The following LCP1 variants were observed in gnomAD, a reference collection of about 807,000 sequenced individuals.
LCP1 encodes lymphocyte cytosolic protein 1, also known as plastin-2.
A neutral mutation model predicts 72.0 loss-of-function variants in LCP1; 23 were observed. The ratio of observed to expected loss-of-function variants is 0.32; its 90% CI spans 0.23 to 0.45. LCP1 has a LOEUF of 0.45. Ranked by LOEUF, LCP1 falls within the 20% of genes least tolerant of loss-of-function variation. LCP1 has a pLI of 1.00. For missense variants in LCP1, 571 were observed against 748.3 expected, an observed-to-expected ratio of 0.76 and a Z score of 2.76; for synonymous variants, 245 against 275.4, an observed-to-expected ratio of 0.89 and a Z score of 1.09.
intron 4 of LCP1, among the ~76,000 whole-genome samples, chr13:46,157,939 C>T (rs1356321043): frequency 6.6e-6 from 1 of 152,006 alleles, no homozygotes; most frequent in Non-Finnish European, 1.5e-5. Context: ...GTTGCCCAGG[C>T]TAGTCTTTAA....
chr13:46,158,447 C>T, intron 4 of LCP1, 75 bp downstream of exon 4: 5 of 1,529,564 alleles, frequency 3.3e-6, no homozygotes, highest in Middle Eastern at 1.7e-4. Context: ...TCTTTGTTTA[C>T]ATCCCTTAGG....
intron 4 of LCP1, among the ~76,000 whole-genome samples, chr13:46,156,942 TC>T (rs1398016673): frequency 1.3e-5 from 2 of 150,570 alleles, no homozygotes; most frequent in Non-Finnish European, 3.0e-5. Context: ...TGCCTCAGCC[TC>T]CCCCGTAGCT....
Position 46,127,584 on chromosome 13 carries a change from T to A in LCP1, c.*7A>T, listed in dbSNP as rs765221238. On this transcript the variant is annotated 3_prime_UTR_variant, in exon 16 of 16. Coordinates refer to ENST00000323076, the MANE Select transcript of LCP1 (RefSeq NM_002298.5). The stretch of plus-strand genomic sequence containing the variant: ...GTGCACCGCCTCCCACCCAGCCCCA[T>A]TGGGCCTCACACCCTCTTCATTCCT... 6.2e-7 allele frequency: 1 copy of A among 1,613,962 alleles called. No individual in the cohort carries two copies. Among genetic ancestry groups the A allele is most frequent in the African/African-American group, 1.3e-5 (1 of 74,914 alleles).
intron 1 of LCP1, among the ~76,000 whole-genome samples, chr13:46,162,617 G>A (rs1234624309): frequency 2.0e-5 from 3 of 152,106 alleles, no homozygotes; most frequent in African/African-American, 7.2e-5. Context: ...TGTTGCCCAG[G>A]CTGGAGTGCA....
chr13:46,162,215 T>C (rs781460148), intron 1 of LCP1, among the ~76,000 whole-genome samples: 1 of 150,334 alleles, frequency 6.7e-6, no homozygotes, highest in African/African-American at 2.5e-5. Flanking sequence ...ATCCCATCCA[T>C]CCATTTATTC....
chr13:46,179,003 C>T (rs1169989584), intron 1 of LCP1, among the ~76,000 whole-genome samples: 1 of 152,140 alleles, frequency 6.6e-6, no homozygotes, highest in African/African-American at 2.4e-5. Flanking sequence ...TGAGAATAAT[C>T]CAAAGTGACT....
At chr13:46,174,834 C>CAAAAAAAAAAAAAAAAAAAAA in intron 1 of LCP1, among the ~76,000 whole-genome samples, 1 of 82,306 alleles carries the variant, frequency 1.2e-5, no homozygotes, top group Non-Finnish European at 2.6e-5. Flanking sequence ...ACTCCATCTT[C>CAAAAAAAAAAAAAAAAAAAAA]AAAAAAAAAA....
At chr13:46,147,229 T>A in intron 9 of LCP1, 126 bp from the exon 10 acceptor site, 1 of 789,628 alleles carries the variant, frequency 1.3e-6, no homozygotes. Context: ...AGACACTTAA[T>A]AACAGCACAT....
chr13:46,151,122 TG>T (rs2045761024), intron 7 of LCP1, 44 bp from the exon 8 acceptor site: 3 of 1,575,982 alleles, frequency 1.9e-6, no homozygotes, highest in African/African-American at 1.4e-5. Flanking sequence ...GCAGCGATGT[TG>T]GGGGAGGGGG....
chr13:46,155,507 T>A (rs967822092), intron 5 of LCP1, among the ~76,000 whole-genome samples: 6 of 152,116 alleles, frequency 3.9e-5, no homozygotes, highest in African/African-American at 1.4e-4. Flanking sequence ...AAAAATGAAT[T>A]CTCAGGACAA....
intron 14 of LCP1, among the ~76,000 whole-genome samples, chr13:46,133,053 C>A (rs1395417586): frequency 6.6e-6 from 1 of 152,032 alleles, no homozygotes; most frequent in African/African-American, 2.4e-5. Flanking sequence ...CCAGTTAATG[C>A]ATGAAACATG....
intron 1 of LCP1, among the ~76,000 whole-genome samples, chr13:46,171,913 C>T (rs1421757599): frequency 1.3e-5 from 2 of 152,366 alleles, no homozygotes; most frequent in Admixed American, 6.5e-5. Flanking sequence ...TACAAGTATT[C>T]GCAGAATGCG....
At chr13:46,159,063 G>T in intron 2 of LCP1, 74 bp from the exon 3 acceptor site, 1 of 1,396,988 alleles carries the variant, frequency 7.2e-7, no homozygotes, top group Non-Finnish European at 1.0e-6. Context: ...GGGAAGACTA[G>T]ATGGAAGGTG....
At chr13:46,156,289 G>T in intron 5 of LCP1, 149 bp downstream of exon 5, 2 of 807,848 alleles carry the variant, frequency 2.5e-6, no homozygotes, top group Non-Finnish European at 4.0e-6. Context: ...TTAGTTTGCT[G>T]TCCTGGACCT....
chr13:46,131,204 C>G (rs1037989431), intron 14 of LCP1, among the ~76,000 whole-genome samples: 2 of 152,012 alleles, frequency 1.3e-5, no homozygotes, highest in Non-Finnish European at 2.9e-5. Context: ...TAGAGAAAGA[C>G]GTAAAGTTAA....
At chr13:46,146,445 A>G (rs2045731398) in intron 10 of LCP1, among the ~76,000 whole-genome samples, 2 of 152,170 alleles carry the variant, frequency 1.3e-5, no homozygotes. Flanking sequence ...ACTGTTAGGG[A>G]TTCTGCCTCA....
chr13:46,163,701 T>C (rs1267737497), intron 1 of LCP1, among the ~76,000 whole-genome samples: 1 of 152,210 alleles, frequency 6.6e-6, no homozygotes, highest in African/African-American at 2.4e-5. Flanking sequence ...TGGGAGATTT[T>C]TAAAACTACA....
At chr13:46,157,872 G>C (rs1011003908) in intron 4 of LCP1, among the ~76,000 whole-genome samples, 1 of 149,008 alleles carries the variant, frequency 6.7e-6, no homozygotes, top group Non-Finnish European at 1.5e-5. Context: ...TCAGCTTCCC[G>C]AGTCGATGAG....
intron 13 of LCP1, among the ~76,000 whole-genome samples, chr13:46,136,319 A>G (rs921021859): frequency 1.3e-5 from 2 of 152,160 alleles, no homozygotes; most frequent in Non-Finnish European, 2.9e-5. Flanking sequence ...GTATTGGTAT[A>G]CTTGCTTCAA....
Sources: allele counts gnomAD v4.1 joint callset (sites outside exome capture counted in the v4.1 genomes callset), GRCh38; gene constraint gnomAD v4.1.1; transcripts MANE v1.5; gene names NCBI Gene and HGNC (gene_info 2026-07-23, HGNC 2026-07-21).